WDFY3: variants seen among roughly 807,000 people sequenced by gnomAD.
WDFY3 encodes the protein WD repeat and FYVE domain-containing protein 3.
WDFY3 carries 66 observed loss-of-function variants against 409.6 expected under a neutral mutation model. The ratio of observed to expected loss-of-function variants is 0.16; its 90% CI spans 0.13 to 0.20. The LOEUF is 0.20. Ranked by LOEUF, WDFY3 falls within the 10% of genes least tolerant of loss-of-function variation. The pLI, the probability that WDFY3 is intolerant of heterozygous loss-of-function variation, is 1.00. For synonymous variants in WDFY3, 1,521 were observed against 1,537.1 expected, an observed-to-expected ratio of 0.99 and a Z score of 0.25; for missense variants, 3,031 against 4,298.1, an observed-to-expected ratio of 0.71 and a Z score of 8.24.
intron 1 of WDFY3, among the ~76,000 whole-genome samples, chr4:84,956,980 T>TAAA (rs571594170): frequency 3.4e-4 from 46 of 134,584 alleles, no homozygotes; most frequent in African/African-American, 1.2e-3. Flanking sequence ...ATGGTTTTCT[T>TAAA]AAAAAAAAAA....
intron 32 of WDFY3, among the ~76,000 whole-genome samples, chr4:84,760,242 C>G (rs1311695302): frequency 7.2e-5 from 11 of 152,204 alleles, no homozygotes; most frequent in African/African-American, 2.7e-4. Context: ...CAATGTTCAT[C>G]AAGGATATTG....
At chr4:84,688,323 T>C in intron 61 of WDFY3, 58 bp from the exon 62 acceptor site, 1 of 1,553,844 alleles carries the variant, frequency 6.4e-7, no homozygotes, top group Non-Finnish European at 8.7e-7. Flanking sequence ...GGTTCCACAG[T>C]GACTCCAGAA....
chr4:84,773,686 A>G (rs1164545177), intron 29 of WDFY3, among the ~76,000 whole-genome samples: 1 of 152,202 alleles, frequency 6.6e-6, no homozygotes, highest in African/African-American at 2.4e-5. Context: ...CTCCAAAATA[A>G]TTCTTAAGCT....
chr4:84,822,722 A>G (rs1030616400), intron 10 of WDFY3, among the ~76,000 whole-genome samples: 4 of 152,132 alleles, frequency 2.6e-5, no homozygotes, highest in Non-Finnish European at 4.4e-5. Context: ...TAAAATAAAC[A>G]AACAAACAAA....
chr4:84,853,559 A>G (rs1375334686), intron 4 of WDFY3, among the ~76,000 whole-genome samples: 2 of 152,206 alleles, frequency 1.3e-5, no homozygotes, highest in East Asian at 3.9e-4. Context: ...AAGAATTAGT[A>G]TGAGGTATTT....
At chr4:84,715,857 T>C (rs1231747213) in intron 49 of WDFY3, among the ~76,000 whole-genome samples, 1 of 148,760 alleles carries the variant, frequency 6.7e-6, no homozygotes, top group African/African-American at 2.5e-5. Flanking sequence ...AGCTACACAA[T>C]AAATAGATAT....
At chr4:84,726,160 G>C (rs1346961877) in intron 45 of WDFY3, among the ~76,000 whole-genome samples, 1 of 152,080 alleles carries the variant, frequency 6.6e-6, no homozygotes, top group Non-Finnish European at 1.5e-5. Flanking sequence ...TAAAAGCATA[G>C]TTAGTGATGG....
intron 5 of WDFY3, among the ~76,000 whole-genome samples, chr4:84,842,935 C>T (rs1282040497): frequency 1.3e-5 from 2 of 152,210 alleles, no homozygotes; most frequent in Non-Finnish European, 2.9e-5. Flanking sequence ...ACAAGACTTA[C>T]ACATGATTCT....
At chr4:84,683,374 G>A (rs968976368) in intron 63 of WDFY3, among the ~76,000 whole-genome samples, 2 of 152,142 alleles carry the variant, frequency 1.3e-5, no homozygotes, top group South Asian at 4.1e-4. Flanking sequence ...CAAGCACAAA[G>A]AAAAATCTCC....
At chr4:84,736,949 C>T (rs749202329) in intron 41 of WDFY3, among the ~76,000 whole-genome samples, 2 of 144,438 alleles carry the variant, frequency 1.4e-5, no homozygotes, top group Non-Finnish European at 3.0e-5. Context: ...CAATGCATTA[C>T]ATTCTGAATG....
rs765551112 is a variant in WDFY3 at position 84,677,185 on chromosome 4, ATATCT to A, written c.10457+9_10457+13del. 9.3e-6 allele frequency: 15 copies of A among 1,613,968 alleles called. No individual in the cohort carries two copies. The Admixed American group carries it at 1.8e-4, about 20-fold the overall frequency. On this transcript the variant is annotated intron_variant, in intron 67 of 67. Transcript: ENST00000295888. ...TAATCAATGTAAATTCAAAAAGCAG[ATATCT>A]TATCTTACTTCTGGCAGAAGAGCTG...
At chr4:84,776,514 T>G (rs972144406) in intron 27 of WDFY3, among the ~76,000 whole-genome samples, 6 of 152,066 alleles carry the variant, frequency 3.9e-5, no homozygotes, top group African/African-American at 1.4e-4. Context: ...ATCCTTGATT[T>G]AAATGTGTCA....
chr4:84,931,801 A>G (rs986647749), intron 2 of WDFY3, among the ~76,000 whole-genome samples: 1 of 152,216 alleles, frequency 6.6e-6, no homozygotes, highest in African/African-American at 2.4e-5. Context: ...AAAGTAAAGT[A>G]AAGCATTAAA....
At chr4:84,742,057 C>A in intron 37 of WDFY3, 136 bp from the exon 38 acceptor site, 1 of 702,104 alleles carries the variant, frequency 1.4e-6, no homozygotes, top group Non-Finnish European at 2.2e-6. Flanking sequence ...AGCTTTTATG[C>A]ACTACTTGAA....
chr4:84,771,257 C>G (rs191281570), intron 30 of WDFY3, among the ~76,000 whole-genome samples: 1 of 152,284 alleles, frequency 6.6e-6, no homozygotes, highest in East Asian at 1.9e-4. Flanking sequence ...CCCACTGCAG[C>G]CTTCTGAGTA....
chr4:84,890,281 G>C (rs1249324652), intron 3 of WDFY3, among the ~76,000 whole-genome samples: 1 of 151,974 alleles, frequency 6.6e-6, no homozygotes, highest in Non-Finnish European at 1.5e-5. Context: ...TGTATTTTTT[G>C]TAGAGACAGA....
chr4:84,804,581 T>C (rs971341533), intron 15 of WDFY3, among the ~76,000 whole-genome samples: 3 of 152,210 alleles, frequency 2.0e-5, no homozygotes, highest in Non-Finnish European at 2.9e-5. Flanking sequence ...TATTCTGCCA[T>C]TTTTCATTCA....
chr4:84,820,592 C>T (rs1753913140), intron 11 of WDFY3, among the ~76,000 whole-genome samples: 1 of 151,976 alleles, frequency 6.6e-6, no homozygotes, highest in Non-Finnish European at 1.5e-5. Context: ...TTATTAATTG[C>T]CAGATACTAC....
At chr4:84,725,913 TAAAG>T (rs1226199154) in intron 45 of WDFY3, among the ~76,000 whole-genome samples, 2 of 152,004 alleles carry the variant, frequency 1.3e-5, no homozygotes, top group Non-Finnish European at 2.9e-5. Flanking sequence ...AGCAAGGAAA[TAAAG>T]AGAGTTGCCA....
Sources: allele counts gnomAD v4.1 joint callset (sites outside exome capture counted in the v4.1 genomes callset), GRCh38; gene constraint gnomAD v4.1.1; transcripts MANE v1.5; gene names NCBI Gene and HGNC (gene_info 2026-07-23, HGNC 2026-07-21).